KIAA1217: variants seen among roughly 807,000 people sequenced by gnomAD.
KIAA1217 encodes sickle tail protein homolog.
A neutral mutation model predicts 163.9 loss-of-function variants in KIAA1217; 88 were observed. The ratio of observed to expected loss-of-function variants is 0.54; its 90% CI spans 0.45 to 0.64. The LOEUF is 0.64. Ranked by LOEUF, KIAA1217 falls within the 30% of genes least tolerant of loss-of-function variation. The pLI, the probability that KIAA1217 is intolerant of heterozygous loss-of-function variation, is 0.00. For synonymous variants in KIAA1217, 903 were observed against 923.1 expected, an observed-to-expected ratio of 0.98 and a Z score of 0.39; for missense variants, 2,372 against 2,475.0, an observed-to-expected ratio of 0.96 and a Z score of 0.88.
At chr10:23,834,285 A>G (rs1372601430) in intron 1 of KIAA1217, among the ~76,000 whole-genome samples, 1 of 152,156 alleles carries the variant, frequency 6.6e-6, no homozygotes. Flanking sequence ...ACTTTGGCTC[A>G]ATTCCTAGAC....
intron 1 of KIAA1217, among the ~76,000 whole-genome samples, chr10:23,975,047 C>G (rs866600830): frequency 6.6e-6 from 1 of 152,120 alleles, no homozygotes; most frequent in Non-Finnish European, 1.5e-5. Context: ...AGACAGCATG[C>G]CTTTCCTGGG....
At chr10:23,865,303 C>T (rs1259620249) in intron 1 of KIAA1217, among the ~76,000 whole-genome samples, 1 of 152,048 alleles carries the variant, frequency 6.6e-6, no homozygotes, top group Non-Finnish European at 1.5e-5. Flanking sequence ...CTTACTATAC[C>T]TTTAATATTA....
chr10:24,444,838 C>G (rs891609703), intron 5 of KIAA1217, among the ~76,000 whole-genome samples: 2 of 152,172 alleles, frequency 1.3e-5, no homozygotes, highest in African/African-American at 4.8e-5. Flanking sequence ...CCACCCACAG[C>G]AAGGGTACAG....
intron 1 of KIAA1217, among the ~76,000 whole-genome samples, chr10:23,726,049 T>C (rs1351696065): frequency 6.6e-6 from 1 of 152,144 alleles, no homozygotes; most frequent in Non-Finnish European, 1.5e-5. Flanking sequence ...GGAAAGAAAA[T>C]AGTGTTTTAT....
chr10:24,024,341 T>C (rs896660413), intron 2 of KIAA1217, among the ~76,000 whole-genome samples: 4 of 151,630 alleles, frequency 2.6e-5, no homozygotes, highest in Non-Finnish European at 5.9e-5. Flanking sequence ...AATCATAAAG[T>C]TGGGTAGTCT....
At chr10:23,817,079 GC>G (rs1837341878) in intron 1 of KIAA1217, among the ~76,000 whole-genome samples, 1 of 152,010 alleles carries the variant, frequency 6.6e-6, no homozygotes, top group African/African-American at 2.4e-5. Flanking sequence ...CTTTCCCCTT[GC>G]AAAAAAGGCA....
At chr10:23,867,827 C>T (rs1192033841) in intron 1 of KIAA1217, among the ~76,000 whole-genome samples, 1 of 152,088 alleles carries the variant, frequency 6.6e-6, no homozygotes, top group Non-Finnish European at 1.5e-5. Context: ...ATGGTGGTTT[C>T]TTTTGCTGTG....
chr10:23,704,839 G>C (rs1482065710), intron 1 of KIAA1217, among the ~76,000 whole-genome samples: 3 of 152,018 alleles, frequency 2.0e-5, no homozygotes, highest in Non-Finnish European at 4.4e-5. Flanking sequence ...GGAGTTATTG[G>C]GTGATATGAT....
At chr10:23,697,007 A>G (rs1836086107) in intron 1 of KIAA1217, among the ~76,000 whole-genome samples, 1 of 152,240 alleles carries the variant, frequency 6.6e-6, no homozygotes, top group Non-Finnish European at 1.5e-5. Flanking sequence ...AATAAGGTTC[A>G]TGAACGTTCG....
At chr10:24,128,692 A>G (rs2063550223) in intron 2 of KIAA1217, among the ~76,000 whole-genome samples, 1 of 152,206 alleles carries the variant, frequency 6.6e-6, no homozygotes, top group South Asian at 2.1e-4. Context: ...ATGAGCATGA[A>G]GTCCCAGGAG....
At position 24,089,167 on chromosome 10, in the gene KIAA1217, T is replaced by A. The variant is rs1453666858; in HGVS notation, c.-171+81793T>A. On this transcript the variant is annotated intron_variant, in intron 2 of 18. Transcript: ENST00000376462. ...GTTTGTTTTTTTCTTGTAAATTTGTTTGTGTTCTTTGTAGATTCTGGATAT... is the reference window on the plus strand; with the variant it reads ...GTTTGTTTTTTTCTTGTAAATTTGTATGTGTTCTTTGTAGATTCTGGATAT... 3.2e-5 allele frequency among the ~76,000 whole-genome samples: 4 copies of A among 124,930 alleles called. 1 individual carries two copies. The highest frequency in any genetic ancestry group is 1.0e-4 in the African/African-American group (4 of 39,802). The allele number at this position is 124,930 out of a possible 152,430, so 82.0% of individuals were successfully genotyped here.
chr10:24,410,104 C>A, intron 3 of KIAA1217, among the ~76,000 whole-genome samples: 1 of 148,798 alleles, frequency 6.7e-6, no homozygotes, highest in Middle Eastern at 3.5e-3. Flanking sequence ...TCAAGCGATT[C>A]TCCTGCCTCA....
intron 3 of KIAA1217, among the ~76,000 whole-genome samples, chr10:24,417,549 T>A (rs947169094): frequency 4.6e-5 from 7 of 151,638 alleles, no homozygotes; most frequent in African/African-American, 1.7e-4. Flanking sequence ...AGAAAGGGGG[T>A]GATTTCCACG....
intron 1 of KIAA1217, among the ~76,000 whole-genome samples, chr10:23,861,841 A>G (rs1393340658): frequency 3.3e-5 from 5 of 152,164 alleles, no homozygotes; most frequent in Non-Finnish European, 5.9e-5. Flanking sequence ...CAGCTGACAC[A>G]TGGATTTCCT....
chr10:24,402,528 C>CAAAAAAAA (rs56323500), intron 3 of KIAA1217, among the ~76,000 whole-genome samples: 1 of 77,214 alleles, frequency 1.3e-5, no homozygotes, highest in Non-Finnish European at 3.1e-5. Flanking sequence ...AAAAACAAAA[C>CAAAAAAAA]AAAAAAAAAA....
intron 2 of KIAA1217, among the ~76,000 whole-genome samples, chr10:24,379,362 T>A (rs1932592): frequency 6.6e-6 from 1 of 152,108 alleles, no homozygotes; most frequent in East Asian, 1.9e-4. Context: ...TGGGGACTTG[T>A]ACAGAAAAAT....
intron 1 of KIAA1217, among the ~76,000 whole-genome samples, chr10:23,852,094 C>G (rs1471795457): frequency 1.3e-5 from 2 of 152,116 alleles, no homozygotes; most frequent in East Asian, 3.9e-4. Flanking sequence ...TTGCCCACGC[C>G]TATGTCCTGA....
At chr10:23,808,827 G>A (rs954665026) in intron 1 of KIAA1217, among the ~76,000 whole-genome samples, 1 of 152,054 alleles carries the variant, frequency 6.6e-6, no homozygotes, top group Non-Finnish European at 1.5e-5. Context: ...AATATGATAA[G>A]TAGATAATAA....
chr10:24,040,279 G>T (rs1339873157), intron 2 of KIAA1217, among the ~76,000 whole-genome samples: 1 of 152,246 alleles, frequency 6.6e-6, no homozygotes, highest in Non-Finnish European at 1.5e-5. Flanking sequence ...TGGCTAGTGG[G>T]TGGAGAATCC....
Sources: allele counts gnomAD v4.1 joint callset (sites outside exome capture counted in the v4.1 genomes callset), GRCh38; gene constraint gnomAD v4.1.1; transcripts MANE v1.5; gene names NCBI Gene and HGNC (gene_info 2026-07-23, HGNC 2026-07-21).